Variants in SCFD2 observed in about 807,000 individuals in gnomAD.
SCFD2 encodes sec1 family domain-containing protein 2.
A neutral mutation model predicts 58.9 loss-of-function variants in SCFD2; 54 were observed. That is an observed-to-expected ratio of 0.92 (90% CI 0.74 to 1.15). The LOEUF (loss-of-function observed/expected upper bound fraction) is 1.15. Among genes scored for constraint, SCFD2 ranks in the 50% most tolerant of loss-of-function variants. SCFD2 has a pLI of 0.00. For synonymous variants in SCFD2, 321 were observed against 335.9 expected, an observed-to-expected ratio of 0.96 and a Z score of 0.49; for missense variants, 805 against 836.6, an observed-to-expected ratio of 0.96 and a Z score of 0.47.
chr4:52,920,603 T>G, intron 6 of SCFD2, 122 bp downstream of exon 6: 1 of 585,656 alleles, frequency 1.7e-6, no homozygotes, highest in Non-Finnish European at 2.8e-6. Context: ...AAAGAGAACT[T>G]GGAGATCATC....
At position 53,231,799 on chromosome 4, in the gene SCFD2, G is replaced by A. The variant is rs182762212; in HGVS notation, c.1311+42027C>T. ...CTAAGGCTATAATCCCTTAAAAAAT[G>A]TAGTACCAAGAAGAAAACAAATCCA... On this transcript the variant is annotated intron_variant, in intron 4 of 8. Coordinates refer to ENST00000401642, the MANE Select transcript of SCFD2 (RefSeq NM_152540.4). Among the ~76,000 whole-genome samples the A allele has an allele frequency of 8.0e-3, 1,208 of 151,900 alleles. 6 individuals carry two copies. The highest frequency in any genetic ancestry group is 0.013 in the Non-Finnish European group (901 of 67,906).
At chr4:52,912,410 C>G (rs1719507798) in intron 6 of SCFD2, among the ~76,000 whole-genome samples, 1 of 151,942 alleles carries the variant, frequency 6.6e-6, no homozygotes, top group Non-Finnish European at 1.5e-5. Context: ...CTTTTTAGAA[C>G]TTTTTTCTTT....
Position 52,873,947 on chromosome 4 carries a change from G to C in SCFD2, c.*22C>G. 6.3e-7 allele frequency: 1 copy of C among 1,577,538 alleles called. No individual in the cohort carries two copies. Among genetic ancestry groups the C allele is most frequent in the Non-Finnish European group, 8.7e-7 (1 of 1,146,938 alleles). On this transcript the variant is annotated 3_prime_UTR_variant, in exon 9 of 9. Transcript: ENST00000401642. ...GCATCGGCATTTCCAGCTTGAGTAG[G>C]TCTTATCTTCTTAGCGGATGCTCAG...
chr4:52,904,688 T>C (rs1331710077), intron 7 of SCFD2, among the ~76,000 whole-genome samples: 2 of 152,146 alleles, frequency 1.3e-5, no homozygotes, highest in African/African-American at 4.8e-5. Context: ...TGAGTAACCA[T>C]GAAGGAAACC....
intron 4 of SCFD2, among the ~76,000 whole-genome samples, chr4:53,208,544 T>C (rs1466940458): frequency 2.6e-5 from 4 of 152,144 alleles, no homozygotes; most frequent in Admixed American, 2.6e-4. Flanking sequence ...AAGTTCCCCA[T>C]AGCTGGGTTT....
At chr4:53,277,426 T>C (rs1731360238) in intron 3 of SCFD2, among the ~76,000 whole-genome samples, 1 of 152,148 alleles carries the variant, frequency 6.6e-6, no homozygotes. Flanking sequence ...ACATAGAACT[T>C]AGTCTATCAA....
At chr4:53,171,620 C>A (rs1339408083) in intron 4 of SCFD2, among the ~76,000 whole-genome samples, 3 of 152,142 alleles carry the variant, frequency 2.0e-5, no homozygotes, top group Non-Finnish European at 4.4e-5. Context: ...AGCAATAAAG[C>A]CATCAGGTCC....
chr4:53,267,274 G>GT (rs1731017454), intron 4 of SCFD2, among the ~76,000 whole-genome samples: 1 of 152,078 alleles, frequency 6.6e-6, no homozygotes, highest in Admixed American at 6.5e-5. Context: ...AAAACGAAAG[G>GT]TTGTCCTCAT....
At chr4:53,219,380 C>T (rs1728976140) in intron 4 of SCFD2, among the ~76,000 whole-genome samples, 2 of 152,222 alleles carry the variant, frequency 1.3e-5, no homozygotes, top group African/African-American at 4.8e-5. Context: ...GCAGTTCGAT[C>T]TCAACTGCTG....
chr4:53,090,460 G>A (rs1724436435), intron 5 of SCFD2, among the ~76,000 whole-genome samples: 1 of 152,086 alleles, frequency 6.6e-6, no homozygotes, highest in Non-Finnish European at 1.5e-5. Flanking sequence ...GTTCATTGAG[G>A]GCAGTGATTG....
intron 2 of SCFD2, among the ~76,000 whole-genome samples, chr4:53,335,211 A>AAC (rs1553901543): frequency 0.026 from 3,578 of 138,382 alleles, 111 homozygotes; most frequent in Middle Eastern, 0.069. Flanking sequence ...AAAAAAAAAA[A>AAC]AACAACAAAA....
chr4:52,951,329 C>T (rs1232081348), intron 5 of SCFD2, among the ~76,000 whole-genome samples: 2 of 152,148 alleles, frequency 1.3e-5, no homozygotes, highest in Non-Finnish European at 2.9e-5. Flanking sequence ...GAGGCAGAAA[C>T]AGAAACACTG....
intron 7 of SCFD2, among the ~76,000 whole-genome samples, chr4:52,903,529 C>G (rs530594733): frequency 6.6e-4 from 100 of 152,268 alleles, no homozygotes; most frequent in African/African-American, 2.3e-3. Flanking sequence ...TAAAACAGGT[C>G]CAGCCTAACC....
chr4:53,255,190 T>TA (rs1730563231), intron 4 of SCFD2, among the ~76,000 whole-genome samples: 1 of 144,588 alleles, frequency 6.9e-6, no homozygotes, highest in Non-Finnish European at 1.5e-5. Flanking sequence ...TATTCTTTTT[T>TA]TTTCTTTTTT....
At chr4:53,161,082 T>C (rs1294446329) in intron 4 of SCFD2, among the ~76,000 whole-genome samples, 35 of 152,162 alleles carry the variant, frequency 2.3e-4, no homozygotes, top group Non-Finnish European at 1.3e-4. Flanking sequence ...TATATAACTA[T>C]ATCCATGTAA....
Position 53,365,431 on chromosome 4 carries a change from G to T in SCFD2, c.511C>A (p.Pro171Thr). The T allele has an allele frequency of 6.2e-7, 1 of 1,614,188 alleles. No homozygotes were observed. The highest frequency in any genetic ancestry group is 1.1e-5 in the South Asian group (1 of 91,088). ...AGTGGGAAAAGGGATGCAAAAGCTG[G>T]AGTCAAGGCAAAGTGGGGAGCAACA... The part of the protein sequence containing the change: ...APVAPHFALT[P>T]AFASLFPLLP... The change falls in exon 1 of 9, where the codon CCA (proline) becomes ACA (threonine). Residue 171 changes from proline to threonine, a missense_variant. Around this residue, in one of 3 missense-constraint regions of SCFD2, gnomAD observed 633 missense variants for 646.8 expected, o/e 0.98. Transcript: ENST00000401642. This position sits in a 1 kb window ranked among gnomAD's most constrained non-coding sequence, Gnocchi z 4.3.
intron 2 of SCFD2, among the ~76,000 whole-genome samples, chr4:53,352,343 A>C (rs1734246534): frequency 6.6e-6 from 1 of 152,230 alleles, no homozygotes; most frequent in Non-Finnish European, 1.5e-5. Context: ...TGATTCACTT[A>C]ACCAATCCTG....
intron 5 of SCFD2, among the ~76,000 whole-genome samples, chr4:53,139,022 C>T (rs1275273732): frequency 3.3e-5 from 5 of 152,122 alleles, no homozygotes; most frequent in South Asian, 2.1e-4. Flanking sequence ...AGGTGCGCGC[C>T]GCCACGCGTG....
chr4:53,199,899 G>C (rs989929117), intron 4 of SCFD2, among the ~76,000 whole-genome samples: 3 of 152,012 alleles, frequency 2.0e-5, no homozygotes, highest in African/African-American at 7.2e-5. Context: ...CTTTTTTCAT[G>C]TGTATTCACA....
Sources: gnomAD v4.1 joint callset for allele counts (sites outside exome capture counted in the v4.1 genomes callset) on GRCh38, gnomAD v4.1.1 for gene constraint, gnomAD v4.1.1 regional missense constraint, Gnocchi (gnomAD v3.1) non-coding constraint, MANE v1.5 for transcripts, NCBI Gene and HGNC (gene_info 2026-07-23, HGNC 2026-07-21) for gene names.